The following ERP44 variants were observed in gnomAD, a reference collection of about 807,000 sequenced individuals.
The protein encoded by ERP44 is endoplasmic reticulum resident protein 44.
Under a neutral mutation model 53.4 loss-of-function variants are expected in ERP44, and 25 were observed. The observed-to-expected ratio is 0.47, with a 90% CI of 0.34 to 0.65. The LOEUF (loss-of-function observed/expected upper bound fraction) is 0.65, where lower values mean the gene tolerates loss of function less well. ERP44 is among the 30% of genes least tolerant of loss of function. The pLI, the probability that ERP44 is intolerant of heterozygous loss-of-function variation, is 0.01. For missense variants in ERP44, 338 were observed against 493.2 expected (o/e 0.69, Z 2.98); for synonymous variants, 145 against 161.2 (o/e 0.90, Z 0.76).
chr9:100,032,251 A>G (rs940899668), intron 4 of ERP44, among the ~76,000 whole-genome samples: 1 of 152,156 alleles, frequency 6.6e-6, no homozygotes, highest in African/African-American at 2.4e-5. Context: ...CCAGGGCTCC[A>G]CCCTGAAGCC....
chr9:99,984,949 A>G lies in ERP44; in HGVS notation c.1119+18T>C. The stretch of plus-strand genomic sequence containing the variant: ...GGGAAAAAAAGAGTTCTCATTGAAA[A>G]ATAAACAGGAGTCCTACCTCTCCTG... On this transcript the variant is annotated intron_variant, in intron 11 of 11. Coordinates refer to ENST00000262455, the MANE Select transcript of ERP44 (RefSeq NM_015051.3). 6.6e-7 allele frequency: 1 copy of G among 1,512,778 alleles called. No individual in the cohort carries two copies. Among genetic ancestry groups the G allele is most frequent in the Non-Finnish European group, 9.1e-7 (1 of 1,093,456 alleles). The allele number at this position is 1,512,778 out of a possible 1,614,324, so 93.7% of individuals were successfully genotyped here. A position where few individuals can be genotyped will look rare whatever the true frequency, so the allele number is the denominator to read the frequency against.
In ERP44 at chr9:100,027,629, T is replaced by A. The variant is rs1021701177; in HGVS notation, c.287-5403A>T. ...CCCAGAAGGTTAACAGCTCACTGATTGGAAAATTAGCATATATTTTTGCTC... is the reference window on the plus strand; with the variant it reads ...CCCAGAAGGTTAACAGCTCACTGATAGGAAAATTAGCATATATTTTTGCTC... On this transcript the variant is annotated intron_variant, in intron 4 of 11. Coordinates refer to ENST00000262455, the MANE Select transcript of ERP44 (RefSeq NM_015051.3). Among the ~76,000 whole-genome samples, 5 of 152,204 alleles carry A rather than the reference T, an allele frequency of 3.3e-5. No individual in the cohort carries two copies. The South Asian group carries it at 1.0e-3, about 32-fold the overall frequency.
chr9:100,066,548 G>A (rs1826211222), intron 1 of ERP44, among the ~76,000 whole-genome samples: 1 of 152,170 alleles, frequency 6.6e-6, no homozygotes, highest in African/African-American at 2.4e-5. Context: ...GAGATTCTCA[G>A]AGCCCTTTCT....
chr9:100,022,538 A>G (rs1830603976), intron 4 of ERP44, among the ~76,000 whole-genome samples: 2 of 152,200 alleles, frequency 1.3e-5, no homozygotes, highest in South Asian at 4.1e-4. Flanking sequence ...AGATTGTCTT[A>G]AGTATCAAAT....
chr9:100,007,523 G>GA, intron 9 of ERP44, 55 bp downstream of exon 9: 3 of 924,262 alleles, frequency 3.2e-6, no homozygotes, highest in Non-Finnish European at 5.3e-6. Context: ...TGATGAAAGG[G>GA]AAAAAAAGAA....
intron 4 of ERP44, among the ~76,000 whole-genome samples, chr9:100,033,869 G>A (rs1227852199): frequency 6.6e-6 from 1 of 152,234 alleles, no homozygotes; most frequent in East Asian, 1.9e-4. Flanking sequence ...CTGAATACAA[G>A]AGACTCTAAT....
chr9:100,098,384 C>T (rs1476451941), intron 1 of ERP44, among the ~76,000 whole-genome samples: 3 of 152,164 alleles, frequency 2.0e-5, no homozygotes, highest in African/African-American at 7.2e-5. Context: ...AGTCACACAA[C>T]CCCAGCACCT....
At chr9:100,039,579 C>T (rs1825881172) in intron 4 of ERP44, among the ~76,000 whole-genome samples, 1 of 151,764 alleles carries the variant, frequency 6.6e-6, no homozygotes, top group South Asian at 2.1e-4. Flanking sequence ...TAAGAAAAAA[C>T]TTCCAATAAA....
chr9:100,050,806 A>C (rs77424612), intron 4 of ERP44, among the ~76,000 whole-genome samples: 1 of 152,316 alleles, frequency 6.6e-6, no homozygotes, highest in South Asian at 2.1e-4. Context: ...ATTTTCTTCA[A>C]AAGTTATCTG....
At chr9:100,039,146 A>C (rs1825876276) in intron 4 of ERP44, among the ~76,000 whole-genome samples, 1 of 152,158 alleles carries the variant, frequency 6.6e-6, no homozygotes, top group African/African-American at 2.4e-5. Flanking sequence ...GAAAATCAAC[A>C]AGGAAACATC....
chr9:100,086,763 G>A (rs1459980596), intron 1 of ERP44, among the ~76,000 whole-genome samples: 3 of 152,156 alleles, frequency 2.0e-5, no homozygotes, highest in African/African-American at 7.2e-5. Context: ...AGTACTCTCA[G>A]TTACCCCAGA....
At chr9:100,054,347 G>A (rs1380063298) in intron 3 of ERP44, among the ~76,000 whole-genome samples, 1 of 152,140 alleles carries the variant, frequency 6.6e-6, no homozygotes, top group African/African-American at 2.4e-5. Context: ...AAGGAGTAGG[G>A]GCTGATTAAT....
At position 100,055,784 on chromosome 9, in the gene ERP44, C is replaced by A. The variant is rs555965706; in HGVS notation, c.170+2036G>T. Among the ~76,000 whole-genome samples the A allele has an allele frequency of 5.3e-5, 8 of 152,244 alleles. No individual in the cohort carries two copies. The South Asian group carries it at 1.7e-3, about 32-fold the overall frequency. On this transcript the variant is annotated intron_variant, in intron 3 of 11. Transcript: ENST00000262455. ...GTAATTTTTAAAAAATAGTCTGGCACAAAACAGCATTATTAACCACCTACT... is the reference window on the plus strand; with the variant it reads ...GTAATTTTTAAAAAATAGTCTGGCAAAAAACAGCATTATTAACCACCTACT...
intron 1 of ERP44, among the ~76,000 whole-genome samples, chr9:100,062,861 C>T (rs1187023073): frequency 6.6e-6 from 1 of 151,690 alleles, no homozygotes; most frequent in East Asian, 1.9e-4. Context: ...CCCCTTGAGG[C>T]CAGAAGTTTA....
chr9:99,987,513 T>G (rs1366859816), intron 10 of ERP44, among the ~76,000 whole-genome samples: 2 of 152,210 alleles, frequency 1.3e-5, no homozygotes, highest in Non-Finnish European at 2.9e-5. Flanking sequence ...TGAACAAACT[T>G]TGACAAATGA....
chr9:100,071,093 G>GT (rs34853838), intron 1 of ERP44, among the ~76,000 whole-genome samples: 18,670 of 119,256 alleles, frequency 0.16, 3,631 homozygotes, highest in African/African-American at 0.45. Context: ...ATTATATAAG[G>GT]TTTTTTTTTT....
chr9:100,072,769 A>G (rs959187104), intron 1 of ERP44, among the ~76,000 whole-genome samples: 4 of 151,672 alleles, frequency 2.6e-5, no homozygotes, highest in Non-Finnish European at 5.9e-5. Flanking sequence ...TGATCTGCCC[A>G]CTCTGCCTCT....
chr9:100,063,075 C>CAAA lies in ERP44; in HGVS notation c.58-2906_58-2904dup, dbSNP rs58004954. Among the ~76,000 whole-genome samples, 70 of 40,068 alleles carry CAAA rather than the reference C, an allele frequency of 1.7e-3. 11 individuals are homozygous for CAAA. Among genetic ancestry groups the CAAA allele is most frequent in the East Asian group, 5.3e-3 (4 of 756 alleles). The allele number at this position is 40,068 out of a possible 152,430, so 26.3% of individuals were successfully genotyped here. A position where few individuals can be genotyped will look rare whatever the true frequency, so the allele number is the denominator to read the frequency against. On this transcript the variant is annotated intron_variant, in intron 1 of 11. Transcript: ENST00000262455. ...GATGACAGAACAGGACCCTGTCTCACAAAAAAAAAAAAAAAAAAGAGAGAG... is the reference window on the plus strand; with the variant it reads ...GATGACAGAACAGGACCCTGTCTCACAAAAAAAAAAAAAAAAAAAAAGAGAGAG...
rs1308611188 is a variant in ERP44, at chr9:99,979,911, A to T, written c.*2701T>A. The T allele has an allele frequency of 2.5e-6, 1 of 398,326 alleles. No homozygotes were observed. Among genetic ancestry groups the T allele is most frequent in the East Asian group, 3.6e-5 (1 of 28,088 alleles). The allele number at this position is 398,326 out of a possible 1,614,324, so 24.7% of individuals were successfully genotyped here. A position where few individuals can be genotyped will look rare whatever the true frequency, so the allele number is the denominator to read the frequency against. On this transcript the variant is annotated 3_prime_UTR_variant, in exon 12 of 12. Coordinates refer to ENST00000262455, the MANE Select transcript of ERP44 (RefSeq NM_015051.3). ...CTGTTGATGGATCTCTTCTGCCTAC[A>T]ATATATACTACAAACCCCTTAGTCT...
Sources: gnomAD v4.1 joint callset for allele counts (sites outside exome capture counted in the v4.1 genomes callset) on GRCh38, gnomAD v4.1.1 for gene constraint, MANE v1.5 for transcripts, NCBI Gene and HGNC (gene_info 2026-07-23, HGNC 2026-07-21) for gene names.